DRGX: variants seen among roughly 807,000 people sequenced by gnomAD.
DRGX encodes the protein dorsal root ganglia homeobox protein.
DRGX carries 21 observed loss-of-function variants against 28.6 expected under a neutral mutation model. The ratio of observed to expected loss-of-function variants is 0.73; its 90% confidence interval spans 0.52 to 1.06. The LOEUF (loss-of-function observed/expected upper bound fraction) is 1.06, where lower values mean the gene tolerates loss of function less well. Ranked by LOEUF, DRGX falls within the 50% of genes least tolerant of loss-of-function variation. DRGX has a pLI of 0.00. For synonymous variants in DRGX, 136 were observed against 139.1 expected, an observed-to-expected ratio of 0.98 and a Z score of 0.16; for missense variants, 354 against 343.9, an observed-to-expected ratio of 1.03 and a Z score of -0.23.
intron 6 of DRGX, among the ~76,000 whole-genome samples, chr10:49,372,208 C>G (rs992434098): frequency 6.6e-5 from 10 of 152,198 alleles, no homozygotes; most frequent in Non-Finnish European, 1.2e-4. Context: ...GTGAGAGGAG[C>G]TAGGCACTGA....
At chr10:49,366,509 G>A in intron 6 of DRGX, 128 bp from the exon 7 acceptor site, 1 of 1,355,560 alleles carries the variant, frequency 7.4e-7, no homozygotes, top group Non-Finnish European at 9.8e-7. Context: ...ATACTAAAGG[G>A]AGAAGGACAA....
chr10:49,386,084 G>T (rs1346209029), intron 6 of DRGX, among the ~76,000 whole-genome samples: 1 of 151,976 alleles, frequency 6.6e-6, no homozygotes, highest in Non-Finnish European at 1.5e-5. Context: ...GGGAAGGCAA[G>T]TGGCCCAGTC....
chr10:49,383,330 G>T (rs949590595), intron 6 of DRGX, among the ~76,000 whole-genome samples: 2 of 152,200 alleles, frequency 1.3e-5, no homozygotes, highest in Non-Finnish European at 2.9e-5. Flanking sequence ...GACTTAGCTT[G>T]TTGGAGATTT....
intron 6 of DRGX, among the ~76,000 whole-genome samples, chr10:49,379,760 T>A (rs988493525): frequency 5.3e-5 from 8 of 152,234 alleles, no homozygotes; most frequent in Non-Finnish European, 8.8e-5. Context: ...GGACCAGGAC[T>A]GTGGCTCAAT....
intron 2 of DRGX, among the ~76,000 whole-genome samples, chr10:49,392,401 C>T (rs1004476809): frequency 3.9e-5 from 6 of 152,250 alleles, no homozygotes; most frequent in African/African-American, 1.2e-4. Flanking sequence ...TCTGCTAAAG[C>T]GTTCTCCTTC....
chr10:49,390,253 A>G lies in DRGX; in HGVS notation c.133-19T>C. ...CTTCCAGCTGGTAAAAGGAAAAAAT[A>G]TGTACTGGTGAGAGGCTGTGGCTAG... is the stretch of plus-strand genomic sequence containing the variant. On this transcript the variant is annotated intron_variant, in intron 3 of 6. Transcript: ENST00000374139. 1 of 1,594,896 alleles carries G rather than the reference A, an allele frequency of 6.3e-7. No individual in the cohort carries two copies. Among genetic ancestry groups the G allele is most frequent in the Non-Finnish European group, 8.6e-7 (1 of 1,169,416 alleles).
At chr10:49,371,855 A>G (rs1729053992) in intron 6 of DRGX, among the ~76,000 whole-genome samples, 1 of 151,322 alleles carries the variant, frequency 6.6e-6, no homozygotes, top group South Asian at 2.1e-4. Flanking sequence ...AGCTACTAGG[A>G]CCCTCACCAA....
intron 6 of DRGX, among the ~76,000 whole-genome samples, chr10:49,385,880 C>T (rs938807826): frequency 6.6e-6 from 1 of 152,140 alleles, no homozygotes; most frequent in Non-Finnish European, 1.5e-5. Flanking sequence ...ATCTGAGAAA[C>T]ACTGGATAAG....
Position 49,365,892 on chromosome 10 carries a change from G to A in DRGX, c.*224C>T. 2.4e-6 allele frequency: 1 copy of A among 419,868 alleles called. No individual in the cohort carries two copies. The highest frequency in any genetic ancestry group is 4.1e-6 in the Non-Finnish European group (1 of 246,394). The allele number at this position is 419,868 out of a possible 1,614,324, so 26.0% of individuals were successfully genotyped here. A position where few individuals can be genotyped will look rare whatever the true frequency, so the allele number is the denominator to read the frequency against. ...CTCTGCTGCCACCAAGTGCCATCGG[G>A]ATCTGTTGCCAAAGAAGCCAGGACA... is the stretch of plus-strand genomic sequence containing the variant. On this transcript the variant is annotated 3_prime_UTR_variant, in exon 7 of 7. Transcript: ENST00000374139.
chr10:49,386,498 G>A lies in DRGX; in HGVS notation c.506C>T (p.Ser169Phe), dbSNP rs1043959309. Residue 169 changes from serine (S) to phenylalanine (F), a missense_variant, in exon 6 of 7, where the codon TCC becomes TTC. Physicochemically the swap from Ser to Phe is radical, Grantham distance 155. Transcript: ENST00000374139. Reference protein sequence around the residue: ...LNTATYAQALSHVASLKGGPL... With the variant: ...LNTATYAQALFHVASLKGGPL... ...CTCACCTTTGAGGGAAGCCACATGG[G>A]ACAAGGCCTGGGCGTAGGTGGCCGT... The A allele has an allele frequency of 6.3e-7, 1 of 1,580,828 alleles. No individual in the cohort carries two copies. Among genetic ancestry groups the A allele is most frequent in the Non-Finnish European group, 8.6e-7 (1 of 1,163,590 alleles).
At chr10:49,375,987 G>A (rs1002501621) in intron 6 of DRGX, among the ~76,000 whole-genome samples, 1 of 152,146 alleles carries the variant, frequency 6.6e-6, no homozygotes. Flanking sequence ...AGCACCCATA[G>A]GAAATGGCTT....
intron 6 of DRGX, among the ~76,000 whole-genome samples, chr10:49,372,789 C>T (rs1266707587): frequency 6.6e-6 from 1 of 152,224 alleles, no homozygotes; most frequent in Non-Finnish European, 1.5e-5. Context: ...CTGCCATTGG[C>T]ACAAGCCGTA....
At chr10:49,379,909 C>T (rs1344608975) in intron 6 of DRGX, among the ~76,000 whole-genome samples, 1 of 152,252 alleles carries the variant, frequency 6.6e-6, no homozygotes, top group East Asian at 1.9e-4. Flanking sequence ...TCCCCACACT[C>T]CTCCCAGCCT....
At chr10:49,386,434 C>A in intron 6 of DRGX, 44 bp downstream of exon 6, 1 of 1,472,300 alleles carries the variant, frequency 6.8e-7, no homozygotes. Flanking sequence ...ACTCCACCAA[C>A]CCCATGAGGC....
intron 6 of DRGX, among the ~76,000 whole-genome samples, chr10:49,378,515 A>G (rs1262819626): frequency 6.6e-6 from 1 of 152,230 alleles, no homozygotes; most frequent in Non-Finnish European, 1.5e-5. Flanking sequence ...TGGTGAATAC[A>G]CTAAAATTAC....
intron 6 of DRGX, among the ~76,000 whole-genome samples, chr10:49,371,791 C>CAAAAAAAAAAA (rs563658320): frequency 2.2e-5 from 1 of 45,492 alleles, no homozygotes; most frequent in African/African-American, 6.6e-5. Context: ...GACTCCATCT[C>CAAAAAAAAAAA]AAAAAAAAAA....
chr10:49,392,576 A>T (rs1849922152), intron 2 of DRGX, among the ~76,000 whole-genome samples: 1 of 152,230 alleles, frequency 6.6e-6, no homozygotes, highest in Non-Finnish European at 1.5e-5. Context: ...ACTGGTGAGG[A>T]TGGAACACAA....
Position 49,395,404 on chromosome 10 carries a change from T to C in DRGX, c.34+3A>G. On this transcript the variant is annotated splice_donor_region_variant and intron_variant, in intron 2 of 6. Transcript: ENST00000374139. ...GAGACCCTGGGGCGCAGCGCTTACT[T>C]ACCCTCTAGCTGTGGCGGGCAGTGG... is the stretch of plus-strand genomic sequence containing the variant. The C allele has an allele frequency of 6.5e-7, 1 of 1,550,254 alleles. No homozygotes were observed. Among genetic ancestry groups the C allele is most frequent in the Non-Finnish European group, 8.7e-7 (1 of 1,146,866 alleles).
chr10:49,391,366 C>T, intron 2 of DRGX, 105 bp from the exon 3 acceptor site: 1 of 803,760 alleles, frequency 1.2e-6, no homozygotes, highest in Admixed American at 2.3e-5. Context: ...AGACAGGAAG[C>T]CCTGTTTGTC....
Sources: gnomAD v4.1 joint callset for allele counts (sites outside exome capture counted in the v4.1 genomes callset) on GRCh38, gnomAD v4.1.1 for gene constraint, MANE v1.5 for transcripts, NCBI Gene and HGNC (gene_info 2026-07-23, HGNC 2026-07-21) for gene names.